KHDRBS2: variants seen among roughly 807,000 people sequenced by gnomAD.
The protein encoded by KHDRBS2 is KH domain-containing, RNA-binding, signal transduction-associated protein 2.
Under a neutral mutation model 44.3 loss-of-function variants are expected in KHDRBS2, and 26 were observed. The ratio of observed to expected loss-of-function variants is 0.59; its 90% CI spans 0.43 to 0.81. KHDRBS2 has a LOEUF of 0.81. Ranked by LOEUF, KHDRBS2 falls within the 40% of genes least tolerant of loss-of-function variation. The pLI is 0.00. For synonymous variants in KHDRBS2, 194 were observed against 151.1 expected (o/e 1.28, Z -2.08); for missense variants, 476 against 433.1 (o/e 1.10, Z -0.88).
intron 1 of KHDRBS2, among the ~76,000 whole-genome samples, chr6:62,189,115 T>C (rs563050860): frequency 4.4e-4 from 67 of 150,992 alleles, no homozygotes; most frequent in African/African-American, 1.5e-3. Context: ...AGAGTCTGTC[T>C]CCAAGAAACA....
At chr6:61,955,128 A>G (rs1232321544) in intron 4 of KHDRBS2, among the ~76,000 whole-genome samples, 5 of 145,302 alleles carry the variant, frequency 3.4e-5, no homozygotes, top group South Asian at 2.2e-4. Flanking sequence ...ATATATGTAT[A>G]CATATGTATA....
intron 6 of KHDRBS2, among the ~76,000 whole-genome samples, chr6:61,775,636 TA>T (rs1445107284): frequency 2.6e-5 from 4 of 152,084 alleles, no homozygotes; most frequent in Non-Finnish European, 4.4e-5. Flanking sequence ...CTCAATGAAA[TA>T]AAAGAGGATA....
chr6:61,568,987 T>C, the KHDRBS2 span, among the ~76,000 whole-genome samples: 1 of 32,424 alleles, frequency 3.1e-5, no homozygotes, highest in Non-Finnish European at 7.5e-5. Context: ...AGTGGGCATA[T>C]GGGGAAGTGT....
chr6:61,916,412 G>A (rs745679712), intron 4 of KHDRBS2, among the ~76,000 whole-genome samples: 1 of 150,786 alleles, frequency 6.6e-6, no homozygotes, highest in Non-Finnish European at 1.5e-5. Context: ...ATGTAACTGT[G>A]GTATATTTAT....
chr6:62,040,545 A>G (rs1261949427), intron 3 of KHDRBS2, among the ~76,000 whole-genome samples: 4 of 152,030 alleles, frequency 2.6e-5, no homozygotes, highest in Non-Finnish European at 5.9e-5. Flanking sequence ...TGAGTAGCTG[A>G]TCACTCAAAT....
intron 4 of KHDRBS2, among the ~76,000 whole-genome samples, chr6:61,918,643 G>T (rs1393318925): frequency 6.6e-6 from 1 of 151,966 alleles, no homozygotes; most frequent in Non-Finnish European, 1.5e-5. Context: ...AAGCCACCCA[G>T]TCTATAGTGT....
intron 6 of KHDRBS2, among the ~76,000 whole-genome samples, chr6:61,791,410 G>A (rs1192068): frequency 0.23 from 35,195 of 151,054 alleles, 4,750 homozygotes; most frequent in South Asian, 0.36. Flanking sequence ...ACATTCTCAA[G>A]TTTTAACGTG....
chr6:62,018,709 A>G (rs1226507868), intron 3 of KHDRBS2, among the ~76,000 whole-genome samples: 1 of 152,188 alleles, frequency 6.6e-6, no homozygotes, highest in Non-Finnish European at 1.5e-5. Context: ...CATGGACATA[A>G]GACTGAGTAG....
Position 62,143,673 on chromosome 6 carries a change from C to T in KHDRBS2, c.219+33512G>A, listed in dbSNP as rs557255912. 1.3e-4 allele frequency among the ~76,000 whole-genome samples: 18 copies of T among 137,402 alleles called. No homozygotes were observed. In the East Asian group the frequency reaches 2.3e-3, roughly 18 times the overall value. The allele number at this position is 137,402 out of a possible 152,430, so 90.1% of individuals were successfully genotyped here. A position where few individuals can be genotyped will look rare whatever the true frequency, so the allele number is the denominator to read the frequency against. ...CTCCAATCGTAATGGCTATTCTCTC[C>T]TGGCTAAGTCTCAGATTATTATTTT... On this transcript the variant is annotated intron_variant, in intron 2 of 8. Coordinates refer to ENST00000281156, the MANE Select transcript of KHDRBS2 (RefSeq NM_152688.4).
At chr6:61,560,662 T>A in the KHDRBS2 span, among the ~76,000 whole-genome samples, 5 of 152,292 alleles carry the variant, frequency 3.3e-5, no homozygotes, top group Admixed American at 2.6e-4. Flanking sequence ...TTGATTCTTT[T>A]TAGTGTTTTC....
the KHDRBS2 span, among the ~76,000 whole-genome samples, chr6:61,543,597 C>T: frequency 6.6e-6 from 1 of 151,930 alleles, no homozygotes; most frequent in East Asian, 1.9e-4. Flanking sequence ...AATCCCACTG[C>T]TAGATATATA....
intron 1 of KHDRBS2, among the ~76,000 whole-genome samples, chr6:62,229,538 C>T (rs1832543951): frequency 6.6e-6 from 1 of 152,186 alleles, no homozygotes; most frequent in African/African-American, 2.4e-5. Flanking sequence ...GTTGCCCCTC[C>T]CCACTGGAGC....
chr6:62,006,808 C>A (rs1779316913), intron 3 of KHDRBS2, among the ~76,000 whole-genome samples: 1 of 151,508 alleles, frequency 6.6e-6, no homozygotes, highest in African/African-American at 2.4e-5. Flanking sequence ...AATAATAAAG[C>A]AAATTATAGA....
intron 6 of KHDRBS2, among the ~76,000 whole-genome samples, chr6:61,812,637 C>A (rs1788302445): frequency 6.6e-6 from 1 of 151,936 alleles, no homozygotes; most frequent in South Asian, 2.1e-4. Context: ...GAAACTGTAA[C>A]ATCAGAAAGA....
the KHDRBS2 span, among the ~76,000 whole-genome samples, chr6:61,621,978 A>C: frequency 6.6e-6 from 1 of 152,206 alleles, no homozygotes; most frequent in Non-Finnish European, 1.5e-5. Flanking sequence ...TACAGCCAGA[A>C]GTATATAATT....
At chr6:61,932,893 T>C (rs1810346184) in intron 4 of KHDRBS2, among the ~76,000 whole-genome samples, 2 of 152,224 alleles carry the variant, frequency 1.3e-5, no homozygotes, top group African/African-American at 4.8e-5. Context: ...ATCCCTGTTG[T>C]TGCAAATGGT....
At chr6:61,905,853 TC>T (rs1379898695) in intron 4 of KHDRBS2, among the ~76,000 whole-genome samples, 6 of 130,236 alleles carry the variant, frequency 4.6e-5, no homozygotes, top group Admixed American at 8.5e-5. Flanking sequence ...ACAAAACTTT[TC>T]TTTTTTTTTT....
chr6:61,672,032 T>C, the KHDRBS2 span, among the ~76,000 whole-genome samples: 3 of 140,316 alleles, frequency 2.1e-5, no homozygotes, highest in Non-Finnish European at 3.2e-5. Context: ...GAGTGTGATG[T>C]TCCCCTTCCT....
chr6:61,917,808 T>C (rs907426114), intron 4 of KHDRBS2, among the ~76,000 whole-genome samples: 2 of 151,982 alleles, frequency 1.3e-5, no homozygotes, highest in Non-Finnish European at 2.9e-5. Flanking sequence ...AAATAAAAGA[T>C]CAATTAATTT....
Sources: gnomAD v4.1 joint callset for allele counts (sites outside exome capture counted in the v4.1 genomes callset) on GRCh38, gnomAD v4.1.1 for gene constraint, MANE v1.5 for transcripts, NCBI Gene and HGNC (gene_info 2026-07-23, HGNC 2026-07-21) for gene names.